Variants in MYO16 observed in about 807,000 individuals in gnomAD.
MYO16 encodes the protein myosin XVI.
MYO16 carries 94 observed loss-of-function variants against 205.3 expected under a neutral mutation model. The observed-to-expected ratio is 0.46, with a 90% CI of 0.39 to 0.54. The LOEUF (loss-of-function observed/expected upper bound fraction) is 0.54. Ranked by LOEUF, MYO16 falls within the 20% of genes least tolerant of loss-of-function variation. The probability of loss-of-function intolerance (pLI) is 0.00; values close to 1 mark genes in which losing one functional copy is unlikely to be tolerated. For synonymous variants in MYO16, 988 were observed against 954.0 expected (o/e 1.04, Z -0.66); for missense variants, 2,315 against 2,387.5 (o/e 0.97, Z 0.63).
At chr13:108,737,372 C>T (rs958460538) in intron 4 of MYO16, among the ~76,000 whole-genome samples, 5 of 152,022 alleles carry the variant, frequency 3.3e-5, no homozygotes, top group African/African-American at 1.2e-4. Flanking sequence ...TTTCAAAGGC[C>T]TTTTCTGCAT....
intron 16 of MYO16, among the ~76,000 whole-genome samples, chr13:108,918,686 C>A (rs529386734): frequency 3.9e-5 from 6 of 152,224 alleles, no homozygotes; most frequent in Non-Finnish European, 7.3e-5. Flanking sequence ...CGCCTGTAAT[C>A]GCAGCACTTT....
chr13:108,639,379 T>C (rs1209030427), intron 1 of MYO16, among the ~76,000 whole-genome samples: 3 of 152,186 alleles, frequency 2.0e-5, no homozygotes, highest in Admixed American at 2.0e-4. Flanking sequence ...GGGTAATTAT[T>C]TCATCTCCAA....
chr13:108,597,520 T>C (rs932196647), intron 1 of MYO16, among the ~76,000 whole-genome samples: 2 of 152,326 alleles, frequency 1.3e-5, no homozygotes, highest in Non-Finnish European at 2.9e-5. Context: ...GTTTAATATA[T>C]ACATGTAACT....
intron 1 of MYO16, among the ~76,000 whole-genome samples, chr13:108,639,126 CT>C (rs1226171856): frequency 1.3e-5 from 2 of 152,086 alleles, no homozygotes; most frequent in African/African-American, 4.8e-5. Flanking sequence ...ATGTGATCAG[CT>C]TTGCATTTTA....
At position 109,158,760 on chromosome 13, in the gene MYO16, C is replaced by T. The variant is rs866224002; in HGVS notation, c.5165-6141C>T. On this transcript the variant is annotated intron_variant, in intron 32 of 34. Coordinates refer to ENST00000457511, the MANE Select transcript of MYO16 (RefSeq NM_001198950.3). ...AATAATAATAAAGATGAAAAATGAA[C>T]ATTTAGAGAGTTAAGTGGACATTTA... Among the ~76,000 whole-genome samples the T allele has an allele frequency of 3.3e-5, 5 of 152,196 alleles. 1 individual carries two copies. Among genetic ancestry groups the T allele is most frequent in the Middle Eastern group, 3.4e-3 (1 of 294 alleles).
At chr13:109,120,121 C>A (rs1057482381) in intron 28 of MYO16, among the ~76,000 whole-genome samples, 1 of 152,178 alleles carries the variant, frequency 6.6e-6, no homozygotes, top group Non-Finnish European at 1.5e-5. Context: ...CCACATGGTA[C>A]AACCCACATC....
chr13:108,743,177 C>T (rs1174043849), intron 4 of MYO16, among the ~76,000 whole-genome samples: 2 of 152,026 alleles, frequency 1.3e-5, no homozygotes, highest in Non-Finnish European at 2.9e-5. Context: ...GTGTAAACCA[C>T]CTTATGATGC....
chr13:108,612,605 G>A (rs562376633), intron 1 of MYO16, among the ~76,000 whole-genome samples: 1 of 152,168 alleles, frequency 6.6e-6, no homozygotes, highest in East Asian at 1.9e-4. Flanking sequence ...AAACACTCGA[G>A]GAAATAAATA....
intron 2 of MYO16, among the ~76,000 whole-genome samples, chr13:108,707,707 G>C (rs1883566066): frequency 6.6e-6 from 1 of 152,190 alleles, no homozygotes; most frequent in Non-Finnish European, 1.5e-5. Flanking sequence ...TACTAATTCT[G>C]TCTCTTCCAA....
intron 27 of MYO16, among the ~76,000 whole-genome samples, chr13:109,058,927 C>T (rs1887500528): frequency 6.6e-6 from 1 of 152,174 alleles, no homozygotes; most frequent in Non-Finnish European, 1.5e-5. Flanking sequence ...ACAATGTTCA[C>T]AGCATCTTCA....
At chr13:108,752,842 CAG>C (rs1885285149) in intron 4 of MYO16, among the ~76,000 whole-genome samples, 1 of 112,612 alleles carries the variant, frequency 8.9e-6, no homozygotes, top group Non-Finnish European at 1.7e-5. Flanking sequence ...TTAGTAGAGA[CAG>C]TGTTGGTCTC....
At chr13:108,740,138 TC>T (rs1884852443) in intron 4 of MYO16, among the ~76,000 whole-genome samples, 1 of 152,214 alleles carries the variant, frequency 6.6e-6, no homozygotes, top group African/African-American at 2.4e-5. Context: ...TCTCAACTCG[TC>T]ACAGTCATTC....
intron 1 of MYO16, among the ~76,000 whole-genome samples, chr13:108,652,053 T>TAA (rs5806747): frequency 2.8e-4 from 42 of 151,276 alleles, no homozygotes; most frequent in African/African-American, 9.7e-4. Context: ...GTATATGCAG[T>TAA]AAAAAAAAAG....
At chr13:109,146,283 TA>T (rs1877326028) in intron 32 of MYO16, among the ~76,000 whole-genome samples, 1 of 152,230 alleles carries the variant, frequency 6.6e-6, no homozygotes, top group African/African-American at 2.4e-5. Flanking sequence ...GAGTATTTTA[TA>T]AACAATTTTT....
intron 4 of MYO16, among the ~76,000 whole-genome samples, chr13:108,762,117 T>A (rs906431905): frequency 6.6e-6 from 1 of 152,244 alleles, no homozygotes; most frequent in African/African-American, 2.4e-5. Context: ...GTTTCTGATT[T>A]GTTTCACTTA....
intron 4 of MYO16, among the ~76,000 whole-genome samples, chr13:108,785,073 C>G (rs1886416935): frequency 6.6e-6 from 1 of 152,090 alleles, no homozygotes; most frequent in Non-Finnish European, 1.5e-5. Flanking sequence ...ACAGATCATG[C>G]CTTTTGTTAG....
At chr13:108,900,441 G>A (rs538228922) in intron 15 of MYO16, among the ~76,000 whole-genome samples, 3 of 152,138 alleles carry the variant, frequency 2.0e-5, no homozygotes, top group Non-Finnish European at 4.4e-5. Context: ...GACCCCGAAC[G>A]GAGGGACCAG....
chr13:108,733,364 G>A (rs952601138), intron 4 of MYO16, among the ~76,000 whole-genome samples: 4 of 152,154 alleles, frequency 2.6e-5, no homozygotes, highest in African/African-American at 9.6e-5. Context: ...TATTATGAAA[G>A]TGCCAGCGTT....
At chr13:109,066,024 C>T (rs986194694) in intron 27 of MYO16, among the ~76,000 whole-genome samples, 2 of 152,170 alleles carry the variant, frequency 1.3e-5, no homozygotes, top group Non-Finnish European at 2.9e-5. Flanking sequence ...AAATCCCTCT[C>T]AGAAATAGCC....
Sources: allele counts gnomAD v4.1 joint callset (sites outside exome capture counted in the v4.1 genomes callset), GRCh38; gene constraint gnomAD v4.1.1; transcripts MANE v1.5; gene names NCBI Gene and HGNC (gene_info 2026-07-23, HGNC 2026-07-21).